The following GARIN2 variants were observed in gnomAD, a reference collection of about 807,000 sequenced individuals.
GARIN2 encodes Golgi-associated RAB2 interactor protein 2.
the GARIN2 span, chr14:67,201,308 T>C: frequency 5.7e-4 from 198 of 348,892 alleles, no homozygotes; most frequent in Non-Finnish European, 1.0e-3. Flanking sequence ...AACAAACAAA[T>C]AAATATTTTT....
the GARIN2 span, chr14:67,222,032 T>G: frequency 1.9e-6 from 1 of 513,150 alleles, no homozygotes. Context: ...TATGGTACTT[T>G]ACTACTTCAG....
the GARIN2 span, among the ~76,000 whole-genome samples, chr14:67,217,167 C>CTT: frequency 2.0e-4 from 30 of 149,018 alleles, no homozygotes; most frequent in African/African-American, 5.4e-4. Context: ...CTTTCTTCAT[C>CTT]TTTTTTTTTT....
chr14:67,201,371 G>A, the GARIN2 span: 2 of 444,126 alleles, frequency 4.5e-6, no homozygotes, highest in African/African-American at 2.0e-5. Flanking sequence ...GAGCCCCAGG[G>A]CATCAGCTCA....
chr14:67,204,616 C>T, the GARIN2 span: 27 of 1,613,554 alleles, frequency 1.7e-5, no homozygotes, highest in African/African-American at 6.7e-5. Flanking sequence ...GGTGAGTGGT[C>T]GAGCCTACTA....
the GARIN2 span, among the ~76,000 whole-genome samples, chr14:67,210,957 A>G: frequency 1.3e-5 from 2 of 152,058 alleles, no homozygotes; most frequent in Non-Finnish European, 2.9e-5. Context: ...CTGAGATTGC[A>G]CCACTGCACT....
At chr14:67,209,095 G>A in the GARIN2 span, among the ~76,000 whole-genome samples, 2 of 152,060 alleles carry the variant, frequency 1.3e-5, no homozygotes, top group South Asian at 2.1e-4. Flanking sequence ...TTTATTGTCC[G>A]CTGATACAAT....
At chr14:67,200,793 T>C in the GARIN2 span, among the ~76,000 whole-genome samples, 35,761 of 152,146 alleles carry the variant, frequency 0.24, 5,865 homozygotes, top group East Asian at 0.44. Flanking sequence ...CATCCTGTGC[T>C]GTTTCCAAGT....
the GARIN2 span, chr14:67,205,009 A>G: frequency 6.4e-7 from 1 of 1,557,906 alleles, no homozygotes. Context: ...AGTCACAGAC[A>G]GCTCTGATAT....
At chr14:67,193,578 T>G in the GARIN2 span, among the ~76,000 whole-genome samples, 1 of 145,118 alleles carries the variant, frequency 6.9e-6, no homozygotes, top group Non-Finnish European at 1.5e-5. Context: ...TATAGATCTA[T>G]ATATAGATAT....
chr14:67,208,399 A>G, the GARIN2 span: 4 of 1,613,924 alleles, frequency 2.5e-6, no homozygotes, highest in Non-Finnish European at 3.4e-6. Context: ...AGACCTCTGA[A>G]GAAAAGATGC....
chr14:67,198,282 T>G, the GARIN2 span: 4 of 1,613,698 alleles, frequency 2.5e-6, no homozygotes, highest in African/African-American at 5.3e-5. Context: ...GTATGCCCCT[T>G]TTGTATCTCC....
At chr14:67,222,181 G>A in the GARIN2 span, among the ~76,000 whole-genome samples, 43 of 152,262 alleles carry the variant, frequency 2.8e-4, no homozygotes, top group African/African-American at 8.2e-4. Context: ...GATATATAAC[G>A]GGAATGGTCC....
chr14:67,199,899 C>T, the GARIN2 span: 2 of 1,481,814 alleles, frequency 1.3e-6, no homozygotes, highest in African/African-American at 2.8e-5. Context: ...CGGCAGGAAC[C>T]CCAGGGGCAG....
chr14:67,198,139 T>G, the GARIN2 span: 1 of 1,598,544 alleles, frequency 6.3e-7, no homozygotes, highest in Non-Finnish European at 8.5e-7. Flanking sequence ...CCCTCAGTTT[T>G]TTTATGTTTA....
At chr14:67,203,257 T>G in the GARIN2 span, 1 of 1,605,304 alleles carries the variant, frequency 6.2e-7, no homozygotes, top group Non-Finnish European at 8.5e-7. Flanking sequence ...AAAAGTCTCC[T>G]GACATCTCCT....
the GARIN2 span, chr14:67,204,620 C>G: frequency 1.2e-6 from 2 of 1,613,832 alleles, no homozygotes; most frequent in South Asian, 2.2e-5. Context: ...AGTGGTCGAG[C>G]CTACTACTTA....
At chr14:67,205,124 T>C in the GARIN2 span, 5 of 1,524,256 alleles carry the variant, frequency 3.3e-6, no homozygotes, top group Non-Finnish European at 4.4e-6. Context: ...GCTTTAATAA[T>C]CGAGAACTAG....
the GARIN2 span, among the ~76,000 whole-genome samples, chr14:67,217,425 G>T: frequency 6.6e-6 from 1 of 152,048 alleles, no homozygotes; most frequent in Non-Finnish European, 1.5e-5. Flanking sequence ...ATTAGTGATA[G>T]GTAAAGACTT....
At chr14:67,220,207 G>A in the GARIN2 span, among the ~76,000 whole-genome samples, 1 of 152,124 alleles carries the variant, frequency 6.6e-6, no homozygotes, top group Non-Finnish European at 1.5e-5. Context: ...AGGCCCAGGC[G>A]GGAGGATGGC....
Sources: allele counts gnomAD v4.1 joint callset (sites outside exome capture counted in the v4.1 genomes callset), GRCh38; gene constraint gnomAD v4.1.1; transcripts MANE v1.5; gene names NCBI Gene and HGNC (gene_info 2026-07-23, HGNC 2026-07-21).